Variants in CLCN6 observed in about 807,000 individuals in gnomAD.
CLCN6 encodes H(+)/Cl(-) exchange transporter 6.
CLCN6 carries 70 observed loss-of-function variants against 109.8 expected under a neutral mutation model. The ratio of observed to expected loss-of-function variants is 0.64; its 90% CI spans 0.53 to 0.78. CLCN6 has a LOEUF of 0.78. Among genes scored for constraint, CLCN6 ranks in the 30% least tolerant of loss-of-function variants. The pLI is 0.00. For missense variants in CLCN6, 984 were observed against 1,142.3 expected, an observed-to-expected ratio of 0.86 and a Z score of 2.00; for synonymous variants, 444 against 447.8, an observed-to-expected ratio of 0.99 and a Z score of 0.11.
rs1244218319 is a variant in CLCN6, at chr1:11,834,165, T to C, written c.1527-71T>C. ...ACATATGTGCATAGGCACAAGAGTA[T>C]GAGCTGTAGGTCCTCCCCACAGCCT... On this transcript the variant is annotated intron_variant, in intron 15 of 22. Transcript: ENST00000346436. The surrounding 1 kb of genome is among the most constrained non-coding windows in gnomAD (Gnocchi z 4.5). 1.9e-6 allele frequency: 3 copies of C among 1,595,392 alleles called. No homozygotes were observed. The highest frequency in any genetic ancestry group is 4.5e-5 in the East Asian group (2 of 44,706).
chr1:11,836,897 G>C, intron 18 of CLCN6, 102 bp from the exon 19 acceptor site: 2 of 1,375,274 alleles, frequency 1.5e-6, no homozygotes, highest in South Asian at 2.6e-5. Flanking sequence ...CCTGCGTCCG[G>C]ATGTGCTTCT....
Position 11,828,556 on chromosome 1 carries a change from C to T in CLCN6, c.1053C>T (p.Phe351=). 2 of 1,614,158 alleles carry T rather than the reference C, an allele frequency of 1.2e-6. No individual in the cohort carries two copies. The highest frequency in any genetic ancestry group is 2.2e-5 in the East Asian group (1 of 44,884). ...GVIGGLLGAT[F]NCLNKRLAKY... ...TTGGGGGCCTCCTGGGAGCCACATT[C>T]AACTGTCTGAACAAGAGGCTTGCAA... Residue 351 remains phenylalanine, a synonymous_variant, in exon 12 of 23, where the codon TTC becomes TTT. Transcript: ENST00000346436.
At chr1:11,822,076 CTG>C (rs546609369) in intron 5 of CLCN6, among the ~76,000 whole-genome samples, 8 of 146,364 alleles carry the variant, frequency 5.5e-5, no homozygotes, top group East Asian at 2.0e-4. Context: ...GGAAGGAAAA[CTG>C]TTTTTTTTTT....
At position 11,827,040 on chromosome 1, in the gene CLCN6, G is replaced by T. The variant is rs373621821; in HGVS notation, c.708-49G>T. The T allele has an allele frequency of 1.1e-5, 18 of 1,598,322 alleles. No homozygotes were observed. In the South Asian group the frequency reaches 1.8e-4, roughly 16 times the overall value. On this transcript the variant is annotated intron_variant, in intron 9 of 22. Coordinates refer to ENST00000346436, the MANE Select transcript of CLCN6 (RefSeq NM_001286.5). ...ATAAGGAAGTCAGAAACCACCTTTTGGGGGCTGGGGGCTCTTTATTGGATA... is the reference window on the plus strand; with the variant it reads ...ATAAGGAAGTCAGAAACCACCTTTTTGGGGCTGGGGGCTCTTTATTGGATA...
At chr1:11,824,787 C>T (rs891228527) in intron 8 of CLCN6, among the ~76,000 whole-genome samples, 15 of 152,158 alleles carry the variant, frequency 9.9e-5, no homozygotes, top group African/African-American at 1.4e-4. Context: ...AAAACTGTGA[C>T]GTGGCGGATG....
chr1:11,818,828 TG>T (rs1644706786), intron 4 of CLCN6, among the ~76,000 whole-genome samples: 1 of 152,106 alleles, frequency 6.6e-6, no homozygotes, highest in Non-Finnish European at 1.5e-5. Context: ...CCCAGCTACC[TG>T]GGAGGCTGAG....
chr1:11,828,773 C>A, intron 12 of CLCN6, 149 bp downstream of exon 12: 1 of 897,118 alleles, frequency 1.1e-6, no homozygotes, highest in Non-Finnish European at 1.7e-6. Context: ...ATGCATCTTC[C>A]CTACTTGACA....
At chr1:11,838,790 G>T (rs1164624507) in intron 22 of CLCN6, 130 bp downstream of exon 22, 3 of 1,367,292 alleles carry the variant, frequency 2.2e-6, no homozygotes, top group South Asian at 1.2e-5. Flanking sequence ...CCCAACACTA[G>T]CTTTGAACCC....
rs1263924001 is a variant in CLCN6 at position 11,842,760 on chromosome 1, A to T, written c.*2537A>T. Reference sequence around the variant, plus strand: ...GGATGATTTGCTCCTGACCTTGATTAACTTAACAGTTCCCAGCTGGAAGGG... The same window carrying T: ...GGATGATTTGCTCCTGACCTTGATTTACTTAACAGTTCCCAGCTGGAAGGG... On this transcript the variant is annotated 3_prime_UTR_variant, in exon 23 of 23. Coordinates refer to ENST00000346436, the MANE Select transcript of CLCN6 (RefSeq NM_001286.5). 6.6e-6 allele frequency: 1 copy of T among 152,272 alleles called. No individual in the cohort carries two copies. Among genetic ancestry groups the T allele is most frequent in the African/African-American group, 2.4e-5 (1 of 41,466 alleles). 9.4% of individuals were successfully genotyped at this position (152,272 alleles called of 1,614,324 possible). A position where few individuals can be genotyped will look rare whatever the true frequency, so the allele number is the denominator to read the frequency against.
In CLCN6 at chr1:11,828,635, A is replaced by C. The variant is rs1386822466; in HGVS notation, c.1121+11A>C. On this transcript the variant is annotated intron_variant, in intron 12 of 22. Transcript: ENST00000346436. ...ACCTAAGCTCGTCAGGTATCTGCACAGTCGCCTCCCCCCCGAGCCTGCTGC... is the reference window on the plus strand; with the variant it reads ...ACCTAAGCTCGTCAGGTATCTGCACCGTCGCCTCCCCCCCGAGCCTGCTGC... 4.4e-6 allele frequency: 7 copies of C among 1,588,832 alleles called. No individual in the cohort carries two copies. The highest frequency in any genetic ancestry group is 6.0e-6 in the Non-Finnish European group (7 of 1,166,808).
chr1:11,834,229 T>C lies in CLCN6; in HGVS notation c.1527-7T>C. The C allele has an allele frequency of 6.2e-7, 1 of 1,609,860 alleles. No homozygotes were observed. The highest frequency in any genetic ancestry group is 8.5e-7 in the Non-Finnish European group (1 of 1,177,860). ...AAAGCCATGTTCTCGGTGTTTTCCT[T>C]CACTAGCTACATTGGATTGGGCCAC... On this transcript the variant is annotated splice_polypyrimidine_tract_variant and splice_region_variant and intron_variant, in intron 15 of 22. Coordinates refer to ENST00000346436, the MANE Select transcript of CLCN6 (RefSeq NM_001286.5). This position sits in a 1 kb window ranked among gnomAD's most constrained non-coding sequence, Gnocchi z 4.5.
chr1:11,838,546 A>C lies in CLCN6; in HGVS notation c.2415A>C (p.Pro805=), dbSNP rs750796492. The C allele has an allele frequency of 6.2e-7, 1 of 1,609,624 alleles. No homozygotes were observed. Among genetic ancestry groups the C allele is most frequent in the Admixed American group, 1.7e-5 (1 of 59,912 alleles). ...LNPRMIVDVT[P]YMNPSPFTVS... ...TGGTCTCTTTGCAGGATGTCACCCC[A>C]TACATGAACCCTTCGCCTTTCACCG... is the stretch of plus-strand genomic sequence containing the variant. The change falls in exon 22 of 23, where the codon CCA becomes CCC. Residue 805 remains proline, a synonymous_variant. Transcript: ENST00000346436.
intron 13 of CLCN6, among the ~76,000 whole-genome samples, chr1:11,830,729 T>G (rs1260291572): frequency 7.7e-6 from 1 of 129,362 alleles, no homozygotes; most frequent in African/African-American, 3.2e-5. Flanking sequence ...CCCAGTTATA[T>G]GTATATATTA....
Position 11,834,854 on chromosome 1 carries a change from T to C in CLCN6, c.1793+264T>C, listed in dbSNP as rs139399116. Among the ~76,000 whole-genome samples, 366 of 152,272 alleles carry C rather than the reference T, an allele frequency of 2.4e-3. 3 individuals are homozygous for C. The highest frequency in any genetic ancestry group is 8.0e-3 in the African/African-American group (333 of 41,548). On this transcript the variant is annotated intron_variant, in intron 17 of 22. Transcript: ENST00000346436. The surrounding 1 kb of genome is among the most constrained non-coding windows in gnomAD (Gnocchi z 4.5). The stretch of plus-strand genomic sequence containing the variant: ...TGACTCCCATGGCATTCTGGTTAGA[T>C]ATGAGGTGAGGTCTCTGGATCAAGT...
chr1:11,836,241 G>T (rs1644948169), intron 18 of CLCN6, 88 bp downstream of exon 18: 7 of 1,291,772 alleles, frequency 5.4e-6, no homozygotes, highest in Admixed American at 2.6e-5. Flanking sequence ...CCCTGGCTGG[G>T]GTGGACTTAC....
At position 11,820,483 on chromosome 1, in the gene CLCN6, G is replaced by A. The variant is rs1002720861; in HGVS notation, c.346+929G>A. 1.0e-5 allele frequency: 7 copies of A among 673,452 alleles called. No homozygotes were observed. The Admixed American group carries it at 1.2e-4, about 11-fold the overall frequency. 41.7% of individuals were successfully genotyped at this position (673,452 alleles called of 1,614,324 possible). On this transcript the variant is annotated intron_variant, in intron 5 of 22. Coordinates refer to ENST00000346436, the MANE Select transcript of CLCN6 (RefSeq NM_001286.5). ...ACAGACTATAAGAAAAAACATCAAT[G>A]GGGCCGGACACAGTGGCTCACGCCT...
At position 11,841,128 on chromosome 1, in the gene CLCN6, C is replaced by T. The variant is rs888621357; in HGVS notation, c.*905C>T. 3 of 152,666 alleles carry T rather than the reference C, an allele frequency of 2.0e-5. No homozygotes were observed. Among genetic ancestry groups the T allele is most frequent in the Non-Finnish European group, 4.4e-5 (3 of 68,050 alleles). The allele number at this position is 152,666 out of a possible 1,614,324, so 9.5% of individuals were successfully genotyped here. Reference sequence around the variant, plus strand: ...AGCAGGGCACTCCTGGATAAAGCAGCTTCACTCAACTCTGGGGAATGCTAC... The same window carrying T: ...AGCAGGGCACTCCTGGATAAAGCAGTTTCACTCAACTCTGGGGAATGCTAC... On this transcript the variant is annotated 3_prime_UTR_variant, in exon 23 of 23. Coordinates refer to ENST00000346436, the MANE Select transcript of CLCN6 (RefSeq NM_001286.5).
intron 4 of CLCN6, among the ~76,000 whole-genome samples, chr1:11,818,826 C>T (rs1325046796): frequency 6.6e-6 from 1 of 152,164 alleles, no homozygotes; most frequent in African/African-American, 2.4e-5. Flanking sequence ...ATCCCAGCTA[C>T]CTGGGAGGCT....
Position 11,833,529 on chromosome 1 carries a change from G to T in CLCN6, c.1263G>T (p.Val421=). The part of the protein sequence containing the change: ...DSFQLQVTED[V]NSSIKTFFCP... ...CTTCTTCTCAGGTCACAGAAGATGTGAATTCAAGTATCAAGACATTTTTTT... is the reference window on the plus strand; with the variant it reads ...CTTCTTCTCAGGTCACAGAAGATGTTAATTCAAGTATCAAGACATTTTTTT... Residue 421 remains valine, a synonymous_variant, in exon 14 of 23, where the codon GTG becomes GTT. Coordinates refer to ENST00000346436, the MANE Select transcript of CLCN6 (RefSeq NM_001286.5). 1 of 1,613,928 alleles carries T rather than the reference G, an allele frequency of 6.2e-7. No homozygotes were observed. The highest frequency in any genetic ancestry group is 1.1e-5 in the South Asian group (1 of 91,070).
Sources: allele counts gnomAD v4.1 joint callset (sites outside exome capture counted in the v4.1 genomes callset), GRCh38; gene constraint gnomAD v4.1.1; non-coding constraint Gnocchi (gnomAD v3.1); transcripts MANE v1.5; gene names NCBI Gene and HGNC (gene_info 2026-07-23, HGNC 2026-07-21).